Variants in MAGI2 observed in about 807,000 individuals in gnomAD.
MAGI2 encodes membrane associated guanylate kinase, WW and PDZ domain containing 2, also known as membrane-associated guanylate kinase, WW and PDZ domain-containing protein 2.
MAGI2 carries 35 observed loss-of-function variants against 133.3 expected under a neutral mutation model. The ratio of observed to expected loss-of-function variants is 0.26; its 90% CI spans 0.20 to 0.35. MAGI2 has a LOEUF of 0.35. Among genes scored for constraint, MAGI2 ranks in the 10% least tolerant of loss-of-function variants. The pLI is 1.00. For synonymous variants in MAGI2, 729 were observed against 710.6 expected, an observed-to-expected ratio of 1.03 and a Z score of -0.41; for missense variants, 1,636 against 1,863.4, an observed-to-expected ratio of 0.88 and a Z score of 2.25.
intron 13 of MAGI2, among the ~76,000 whole-genome samples, chr7:78,179,459 C>G (rs1826977020): frequency 6.6e-6 from 1 of 152,186 alleles, no homozygotes; most frequent in Non-Finnish European, 1.5e-5. Flanking sequence ...CCTTGGTGCC[C>G]AACAACCTGG....
intron 2 of MAGI2, among the ~76,000 whole-genome samples, chr7:78,793,587 T>G (rs2151374710): frequency 6.6e-6 from 1 of 152,282 alleles, no homozygotes; most frequent in South Asian, 2.1e-4. Flanking sequence ...TAATATAATC[T>G]TACCATAATG....
intron 21 of MAGI2, among the ~76,000 whole-genome samples, chr7:78,069,864 G>A (rs539856079): frequency 1.3e-5 from 2 of 152,112 alleles, no homozygotes; most frequent in South Asian, 4.2e-4. Flanking sequence ...GCAAGGAAGG[G>A]AATGTTCCTA....
chr7:79,387,948 ATTAT>A (rs1324998730), intron 1 of MAGI2, among the ~76,000 whole-genome samples: 4 of 152,040 alleles, frequency 2.6e-5, no homozygotes, highest in African/African-American at 4.8e-5. Flanking sequence ...AATAATTTAC[ATTAT>A]TTAATCTCAA....
intron 4 of MAGI2, among the ~76,000 whole-genome samples, chr7:78,502,058 T>G (rs1245800115): frequency 6.6e-6 from 1 of 152,152 alleles, no homozygotes; most frequent in Non-Finnish European, 1.5e-5. Context: ...ACAGGTATGG[T>G]GAGCAGAATA....
At chr7:78,491,384 C>G (rs998886316) in intron 5 of MAGI2, among the ~76,000 whole-genome samples, 2 of 151,982 alleles carry the variant, frequency 1.3e-5, no homozygotes, top group African/African-American at 4.8e-5. Context: ...ACATAACGAC[C>G]CTTGGGTCAT....
chr7:78,942,445 T>G (rs1323205681), intron 2 of MAGI2, among the ~76,000 whole-genome samples: 1 of 152,272 alleles, frequency 6.6e-6, no homozygotes, highest in East Asian at 1.9e-4. Context: ...TACCATGATA[T>G]ATGTGGAAAC....
chr7:79,399,081 T>C (rs890677188), intron 1 of MAGI2, among the ~76,000 whole-genome samples: 1 of 138,082 alleles, frequency 7.2e-6, no homozygotes, highest in African/African-American at 3.0e-5. Flanking sequence ...TATTATTTCT[T>C]TTTTTTTTCT....
intron 9 of MAGI2, among the ~76,000 whole-genome samples, chr7:78,264,162 A>C (rs1481417999): frequency 6.6e-6 from 1 of 152,180 alleles, no homozygotes; most frequent in Non-Finnish European, 1.5e-5. Flanking sequence ...TGGCATTTAC[A>C]AACTCCATCT....
intron 10 of MAGI2, among the ~76,000 whole-genome samples, chr7:78,202,484 G>A (rs978704225): frequency 8.6e-5 from 13 of 151,700 alleles, no homozygotes; most frequent in African/African-American, 3.1e-4. Context: ...GGAGTTTGAG[G>A]TCAGCCTGGC....
intron 9 of MAGI2, among the ~76,000 whole-genome samples, chr7:78,309,672 A>T (rs1036955590): frequency 1.3e-5 from 2 of 150,508 alleles, no homozygotes; most frequent in South Asian, 2.1e-4. Flanking sequence ...AAACTAAAAT[A>T]AAAAAAAATA....
rs542829093 is a variant in MAGI2, at chr7:78,027,086, C to T, written c.3707-7110G>A. On this transcript the variant is annotated intron_variant, in intron 21 of 21. Transcript: ENST00000354212. ...TAGCTAAGGGGCATTGAATGGCTTT[C>T]GGAATTGGGTAATGTTCTACAAACT... Among the ~76,000 whole-genome samples, 16 of 152,228 alleles carry T rather than the reference C, an allele frequency of 1.1e-4. No individual in the cohort carries two copies. The Middle Eastern group carries it at 0.014, about 129-fold the overall frequency.
Position 78,242,547 on chromosome 7 carries a change from G to T in MAGI2, c.2047+13396C>A, listed in dbSNP as rs1007954624. On this transcript the variant is annotated intron_variant, in intron 10 of 21. Coordinates refer to ENST00000354212, the MANE Select transcript of MAGI2 (RefSeq NM_012301.4). The stretch of plus-strand genomic sequence containing the variant: ...CTGTCATATATGCTTTTTTGCTGCT[G>T]ACTTCAAATGGAAAGTTGGATTATA... 5.9e-5 allele frequency among the ~76,000 whole-genome samples: 9 copies of T among 152,242 alleles called. No individual in the cohort carries two copies. The South Asian group carries it at 8.3e-4, about 14-fold the overall frequency.
chr7:78,194,121 T>C (rs532209475), intron 12 of MAGI2, among the ~76,000 whole-genome samples: 1 of 152,248 alleles, frequency 6.6e-6, no homozygotes, highest in Non-Finnish European at 1.5e-5. Flanking sequence ...CTGGGTTTCC[T>C]GATCATTTAA....
At chr7:78,573,401 T>G (rs1193620016) in intron 3 of MAGI2, among the ~76,000 whole-genome samples, 14 of 74,214 alleles carry the variant, frequency 1.9e-4, no homozygotes, top group African/African-American at 7.2e-4. Flanking sequence ...TATATATATA[T>G]ATAGGCTGCC....
At chr7:78,622,930 A>T (rs911339391) in intron 3 of MAGI2, among the ~76,000 whole-genome samples, 1 of 152,078 alleles carries the variant, frequency 6.6e-6, no homozygotes, top group African/African-American at 2.4e-5. Context: ...TAGGCCAATT[A>T]AGATGGCACC....
At chr7:78,524,718 G>A (rs1192423903) in intron 3 of MAGI2, among the ~76,000 whole-genome samples, 1 of 151,976 alleles carries the variant, frequency 6.6e-6, no homozygotes, top group East Asian at 1.9e-4. Context: ...GTTGCTCCCT[G>A]GTATCAATGA....
At chr7:78,420,904 T>C (rs533455912) in intron 6 of MAGI2, among the ~76,000 whole-genome samples, 1 of 152,164 alleles carries the variant, frequency 6.6e-6, no homozygotes, top group Admixed American at 6.5e-5. Context: ...ATAAAAAGGA[T>C]TAGAAAAGAG....
intron 6 of MAGI2, among the ~76,000 whole-genome samples, chr7:78,393,223 T>C (rs1445555503): frequency 6.6e-6 from 1 of 152,176 alleles, no homozygotes; most frequent in African/African-American, 2.4e-5. Flanking sequence ...GATACTTGAC[T>C]TCTCTGGAAA....
At chr7:78,790,305 T>C (rs1827149294) in intron 2 of MAGI2, among the ~76,000 whole-genome samples, 2 of 152,118 alleles carry the variant, frequency 1.3e-5, no homozygotes, top group African/African-American at 2.4e-5. Context: ...TTTTAAAAAA[T>C]ACCAGGTCCA....
Sources: gnomAD v4.1 joint callset for allele counts (sites outside exome capture counted in the v4.1 genomes callset) on GRCh38, gnomAD v4.1.1 for gene constraint, MANE v1.5 for transcripts, NCBI Gene and HGNC (gene_info 2026-07-23, HGNC 2026-07-21) for gene names.